The following ZPBP variants were observed in gnomAD, a reference collection of about 807,000 sequenced individuals.
ZPBP encodes zona pellucida binding protein.
ZPBP carries 26 observed loss-of-function variants against 44.8 expected under a neutral mutation model. The observed-to-expected ratio is 0.58, with a 90% confidence interval of 0.43 to 0.81. The LOEUF (loss-of-function observed/expected upper bound fraction) is 0.81, where lower values mean the gene tolerates loss of function less well. ZPBP is among the 30% of genes least tolerant of loss of function. The probability of loss-of-function intolerance (pLI) is 0.00; values close to 1 mark genes in which losing one functional copy is unlikely to be tolerated. For synonymous variants in ZPBP, 174 were observed against 153.2 expected, an observed-to-expected ratio of 1.14 and a Z score of -1.00; for missense variants, 409 against 434.0, an observed-to-expected ratio of 0.94 and a Z score of 0.51.
chr7:49,995,271 G>A (rs947995145), intron 6 of ZPBP, among the ~76,000 whole-genome samples: 2 of 152,190 alleles, frequency 1.3e-5, no homozygotes, highest in Admixed American at 6.5e-5. Context: ...CATAGAGCTG[G>A]GGAGTTGATA....
chr7:50,026,243 A>T (rs992273871), intron 5 of ZPBP, among the ~76,000 whole-genome samples: 7 of 147,438 alleles, frequency 4.7e-5, no homozygotes, highest in African/African-American at 1.8e-4. Flanking sequence ...ATTAAAGAAG[A>T]TATAACATTT....
intron 3 of ZPBP, among the ~76,000 whole-genome samples, chr7:50,074,062 T>C (rs1011841435): frequency 6.6e-6 from 1 of 152,074 alleles, no homozygotes; most frequent in African/African-American, 2.4e-5. Context: ...TCAAAAATAG[T>C]AACTACAGCA....
intron 3 of ZPBP, among the ~76,000 whole-genome samples, chr7:50,065,275 A>G (rs1418496086): frequency 6.6e-6 from 1 of 151,218 alleles, no homozygotes; most frequent in East Asian, 1.9e-4. Flanking sequence ...GCAGTTGCCA[A>G]TATGCCCATG....
chr7:49,857,326 C>T (rs1243463798), intron 2 of ZPBP, among the ~76,000 whole-genome samples: 1 of 152,184 alleles, frequency 6.6e-6, no homozygotes. Flanking sequence ...AGCATAATGT[C>T]CTCAAGGTTC....
chr7:49,953,830 C>T (rs922705060), intron 7 of ZPBP, among the ~76,000 whole-genome samples: 3 of 152,058 alleles, frequency 2.0e-5, no homozygotes, highest in African/African-American at 4.8e-5. Context: ...CCTAAATAGA[C>T]ATTCTGTATT....
chr7:49,862,279 G>T (rs691971), intron 2 of ZPBP, among the ~76,000 whole-genome samples: 7,512 of 152,048 alleles, frequency 0.049, 609 homozygotes, highest in African/African-American at 0.17. Flanking sequence ...ATTATTCATT[G>T]CCACTATATA....
intron 6 of ZPBP, among the ~76,000 whole-genome samples, chr7:50,003,515 T>G (rs1365052626): frequency 1.3e-5 from 2 of 152,238 alleles, no homozygotes; most frequent in Non-Finnish European, 2.9e-5. Flanking sequence ...GTGTGGAATG[T>G]GCTTACAGCA....
At chr7:49,868,459 T>C (rs147371708) in intron 2 of ZPBP, among the ~76,000 whole-genome samples, 1 of 152,344 alleles carries the variant, frequency 6.6e-6, no homozygotes, top group East Asian at 1.9e-4. Context: ...CTGGGGAGTA[T>C]ATGTACTGTA....
intron 4 of ZPBP, among the ~76,000 whole-genome samples, chr7:50,048,169 A>C (rs1323047231): frequency 6.6e-6 from 1 of 152,204 alleles, no homozygotes; most frequent in Non-Finnish European, 1.5e-5. Flanking sequence ...AAGTTACTAA[A>C]GAAAAAAGGG....
chr7:49,990,117 G>A (rs981977539), intron 6 of ZPBP, among the ~76,000 whole-genome samples: 1 of 152,284 alleles, frequency 6.6e-6, no homozygotes, highest in East Asian at 1.9e-4. Context: ...GGGATCCAGA[G>A]GCAGACAATA....
chr7:49,907,271 T>G (rs1793153736), intron 1 of ZPBP, among the ~76,000 whole-genome samples: 1 of 152,072 alleles, frequency 6.6e-6, no homozygotes, highest in Non-Finnish European at 1.5e-5. Context: ...GGTAACAGAA[T>G]AGGAATGAAG....
intron 6 of ZPBP, among the ~76,000 whole-genome samples, chr7:49,995,670 C>T (rs1008341293): frequency 6.6e-6 from 1 of 152,144 alleles, no homozygotes; most frequent in Middle Eastern, 3.2e-3. Context: ...GATATATATA[C>T]ATAATGAATA....
At chr7:50,088,162 G>A (rs1346301560) in intron 2 of ZPBP, among the ~76,000 whole-genome samples, 2 of 151,954 alleles carry the variant, frequency 1.3e-5, no homozygotes, top group African/African-American at 4.8e-5. Context: ...CGAGTGCCAA[G>A]CCAATTGCAA....
intron 1 of ZPBP, among the ~76,000 whole-genome samples, chr7:49,902,675 A>G (rs1531869): frequency 0.77 from 116,040 of 151,682 alleles, 44,570 homozygotes; most frequent in East Asian, 0.88. Context: ...AATAACAAGA[A>G]AAAAACTTTA....
rs76141722 is a variant in ZPBP, at chr7:50,076,736, G to C, written c.334+5038C>G. ...GAAAACTATAAAACACCTGATGAAG[G>C]AAACTGAAGAGGACATCCAAAGATG... On this transcript the variant is annotated intron_variant, in intron 3 of 7. Coordinates refer to ENST00000046087, the MANE Select transcript of ZPBP (RefSeq NM_007009.3). 1.2e-3 allele frequency among the ~76,000 whole-genome samples: 180 copies of C among 151,490 alleles called. 2 individuals carry two copies. Among genetic ancestry groups the C allele is most frequent in the African/African-American group, 4.2e-3 (173 of 41,422 alleles).
At position 49,946,254 on chromosome 7, in the gene ZPBP, A is replaced by G. The variant is rs562827124; in HGVS notation, c.962-8632T>C. 4.3e-4 allele frequency among the ~76,000 whole-genome samples: 66 copies of G among 152,178 alleles called. 1 individual carries two copies. The South Asian group carries it at 9.6e-3, about 22-fold the overall frequency. ...GAGATATGAGTGTTTATACACCACT[A>G]TTGCAGTATTATAATATTCTGTGTT... On this transcript the variant is annotated intron_variant, in intron 7 of 7. Transcript: ENST00000046087.
intron 2 of ZPBP, among the ~76,000 whole-genome samples, chr7:49,882,151 T>G (rs1449600399): frequency 6.6e-6 from 1 of 152,118 alleles, no homozygotes; most frequent in Non-Finnish European, 1.5e-5. Context: ...ACTGGTGATA[T>G]AATCAATATT....
intron 1 of ZPBP, among the ~76,000 whole-genome samples, chr7:49,906,379 G>A (rs1464741628): frequency 3.9e-5 from 6 of 152,008 alleles, no homozygotes; most frequent in Non-Finnish European, 7.4e-5. Context: ...CTGTCGCCCA[G>A]GCTGGAGTGC....
intron 4 of ZPBP, among the ~76,000 whole-genome samples, chr7:50,050,788 CAAAAAAAAAA>C (rs751875216): frequency 4.1e-4 from 11 of 26,846 alleles, no homozygotes; most frequent in African/African-American, 1.5e-3. Context: ...GACTCCGTCT[CAAAAAAAAAA>C]AAAAAAAAAA....
Sources: allele counts gnomAD v4.1 joint callset (sites outside exome capture counted in the v4.1 genomes callset), GRCh38; gene constraint gnomAD v4.1.1; transcripts MANE v1.5; gene names NCBI Gene and HGNC (gene_info 2026-07-23, HGNC 2026-07-21).